The following SLC16A4 variants were observed in gnomAD, a reference collection of about 807,000 sequenced individuals.
The protein encoded by SLC16A4 is probable monocarboxylate transporter 5.
Under a neutral mutation model 47.9 loss-of-function variants are expected in SLC16A4, and 39 were observed. The observed-to-expected ratio is 0.81, with a 90% CI of 0.63 to 1.06. The LOEUF (loss-of-function observed/expected upper bound fraction) is 1.06, where lower values mean the gene tolerates loss of function less well. Among genes scored for constraint, SLC16A4 ranks in the 50% least tolerant of loss-of-function variants. SLC16A4 has a pLI of 0.00. For missense variants in SLC16A4, 524 were observed against 573.8 expected (o/e 0.91, Z 0.89); for synonymous variants, 189 against 199.9 (o/e 0.95, Z 0.46).
At chr1:110,389,724 TA>T (rs2101088243) in intron 1 of SLC16A4, among the ~76,000 whole-genome samples, 1 of 152,152 alleles carries the variant, frequency 6.6e-6, no homozygotes, top group Admixed American at 6.5e-5. Flanking sequence ...ACAGCCACCA[TA>T]AAAAAGAACA....
At chr1:110,382,687 T>A in intron 3 of SLC16A4, 147 bp downstream of exon 3, 1 of 760,928 alleles carries the variant, frequency 1.3e-6, no homozygotes, top group South Asian at 3.2e-5. Context: ...AGCTAAATAT[T>A]GCAATTCCTT....
At chr1:110,366,272 C>T (rs926432229) in intron 8 of SLC16A4, among the ~76,000 whole-genome samples, 9 of 152,094 alleles carry the variant, frequency 5.9e-5, no homozygotes, top group Non-Finnish European at 8.8e-5. Flanking sequence ...ATTCTCTTGC[C>T]TCAGCCTCAT....
At chr1:110,389,484 C>T in intron 1 of SLC16A4, 129 bp from the exon 2 acceptor site, 1 of 642,628 alleles carries the variant, frequency 1.6e-6, no homozygotes, top group East Asian at 2.9e-5. Context: ...CTGTGCAACG[C>T]AGTTTGGAGA....
At chr1:110,379,408 T>G in intron 5 of SLC16A4, 52 bp from the exon 6 acceptor site, 3 of 1,513,524 alleles carry the variant, frequency 2.0e-6, no homozygotes, top group Non-Finnish European at 1.8e-6. Context: ...TTCACAATAC[T>G]GCTTTGTGTT....
At chr1:110,377,482 G>A (rs1337691419) in intron 6 of SLC16A4, among the ~76,000 whole-genome samples, 1 of 152,174 alleles carries the variant, frequency 6.6e-6, no homozygotes, top group South Asian at 2.1e-4. Context: ...AGGCCATGCA[G>A]TCTCTTCGTC....
intron 4 of SLC16A4, among the ~76,000 whole-genome samples, chr1:110,381,347 G>A (rs902287063): frequency 7.9e-5 from 12 of 151,778 alleles, no homozygotes; most frequent in African/African-American, 2.9e-4. Flanking sequence ...TTTGAGACAG[G>A]GTCTCACTTT....
In SLC16A4 at chr1:110,383,476, AGCTGCCC is replaced by A. The variant is rs527733812; in HGVS notation, c.88-517_88-511del. On this transcript the variant is annotated intron_variant, in intron 2 of 8. Transcript: ENST00000369779. Reference sequence around the variant, plus strand: ...TGGGTCAGAGATGAAATTCTATCAAAGCTGCCCTTTTGCGCTGAGTCACTTCTGGGTG... The same window carrying A: ...TGGGTCAGAGATGAAATTCTATCAAATTTTGCGCTGAGTCACTTCTGGGTG... 3.8e-4 allele frequency among the ~76,000 whole-genome samples: 58 copies of A among 152,220 alleles called. 1 individual carries two copies. In the East Asian group the frequency reaches 9.5e-3, roughly 25 times the overall value.
At chr1:110,383,393 G>C (rs1242464894) in intron 2 of SLC16A4, among the ~76,000 whole-genome samples, 2 of 152,158 alleles carry the variant, frequency 1.3e-5, no homozygotes, top group African/African-American at 4.8e-5. Context: ...TTGGGGATCA[G>C]AGTTTTTAAG....
At chr1:110,377,868 C>T (rs1011277121) in intron 6 of SLC16A4, among the ~76,000 whole-genome samples, 1 of 152,120 alleles carries the variant, frequency 6.6e-6, no homozygotes, top group African/African-American at 2.4e-5. Flanking sequence ...CACGCTCCGT[C>T]ACCCAGGCTG....
intron 8 of SLC16A4, among the ~76,000 whole-genome samples, chr1:110,366,541 TC>T (rs1398259335): frequency 6.6e-6 from 1 of 152,198 alleles, no homozygotes; most frequent in Non-Finnish European, 1.5e-5. Context: ...TTTTACTGTA[TC>T]TATGTTTAGA....
At chr1:110,384,487 A>T (rs555591018) in intron 2 of SLC16A4, among the ~76,000 whole-genome samples, 1 of 152,340 alleles carries the variant, frequency 6.6e-6, no homozygotes, top group East Asian at 1.9e-4. Flanking sequence ...TCTGTGGAGT[A>T]TTAACTTTTA....
At chr1:110,376,239 A>G (rs1020861794) in intron 7 of SLC16A4, among the ~76,000 whole-genome samples, 2 of 152,176 alleles carry the variant, frequency 1.3e-5, no homozygotes, top group Non-Finnish European at 2.9e-5. Context: ...AAGTAATCAG[A>G]TATCACAAGG....
rs1176464711 is a variant in SLC16A4, at chr1:110,377,032, G to A, written c.1160C>T (p.Thr387Ile). 6 of 1,613,928 alleles carry A rather than the reference G, an allele frequency of 3.7e-6. No homozygotes were observed. The highest frequency in any genetic ancestry group is 5.1e-6 in the Non-Finnish European group (6 of 1,179,982). ...GITNLLAPLA[T>I]TFPLLMTYTI... ...GTAGGTCATAAGTAGTGGAAATGTG[G>A]TGGCTAAAGGAGCAAGCAGGTTAGT... The change falls in exon 7 of 9, where the codon ACC becomes ATC. Residue 387 changes from threonine (T) to isoleucine (I), a missense_variant. Thr to Ile is a moderately conservative substitution (Grantham distance 89). Coordinates refer to ENST00000369779, the MANE Select transcript of SLC16A4 (RefSeq NM_004696.3).
At chr1:110,366,345 A>T (rs1661397015) in intron 8 of SLC16A4, among the ~76,000 whole-genome samples, 1 of 151,946 alleles carries the variant, frequency 6.6e-6, no homozygotes, top group African/African-American at 2.4e-5. Context: ...TTTTTAGTAG[A>T]GATGGGGTTT....
chr1:110,382,914 A>C lies in SLC16A4; in HGVS notation c.140T>G (p.Val47Gly), dbSNP rs770105722. The C allele has an allele frequency of 9.9e-6, 16 of 1,612,786 alleles. No homozygotes were observed. Among genetic ancestry groups the C allele is most frequent in the Non-Finnish European group, 1.4e-5 (16 of 1,179,102 alleles). The stretch of plus-strand genomic sequence containing the variant: ...GGTGCCTTCAAACTCTTCTTGAAAG[A>C]CCACAAAGAAAATTGCAAAAGTCTT... ...MTKTFAIFFV[V>G]FQEEFEGTSE... Residue 47 changes from valine to glycine, a missense_variant, in exon 3 of 9, where the codon GTC becomes GGC. By Grantham distance (109) the Val-to-Gly change is moderately radical (BLOSUM62 -3). Coordinates refer to ENST00000369779, the MANE Select transcript of SLC16A4 (RefSeq NM_004696.3).
chr1:110,386,684 A>G (rs17025725), intron 2 of SLC16A4, among the ~76,000 whole-genome samples: 2,170 of 152,336 alleles, frequency 0.014, 51 homozygotes, highest in African/African-American at 0.05. Context: ...TACAGGCACC[A>G]GGCTTTGTCA....
intron 8 of SLC16A4, 108 bp downstream of exon 8, chr1:110,375,350 T>A (rs1051113869): frequency 1.6e-5 from 11 of 694,854 alleles, no homozygotes; most frequent in Non-Finnish European, 2.6e-5. Flanking sequence ...GCAGAAATAA[T>A]CTGTTTCTTT....
intron 2 of SLC16A4, among the ~76,000 whole-genome samples, chr1:110,386,854 A>C (rs1334882): frequency 0.58 from 88,643 of 152,008 alleles, 25,802 homozygotes; most frequent in Admixed American, 0.62. Flanking sequence ...AAGTTCACTA[A>C]CTTTGGCCCC....
rs761595349 is a variant in SLC16A4, at chr1:110,382,867, C to G, written c.187G>C (p.Gly63Arg). The change falls in exon 3 of 9, where the codon GGA (glycine) becomes CGA (arginine). Residue 63 changes from glycine (G) to arginine (R), a missense_variant. Physicochemically the swap from Gly to Arg is moderately radical, Grantham distance 125. Transcript: ENST00000369779. ...EGTSEQIGWI[G>R]SIMSSLRFCA... Reference sequence around the variant, plus strand: ...AAACGAAGAGATGACATGATGGATCCAATCCAACCAATTTGCTCTGAGGTG... The same window carrying G: ...AAACGAAGAGATGACATGATGGATCGAATCCAACCAATTTGCTCTGAGGTG... 6.2e-7 allele frequency: 1 copy of G among 1,610,872 alleles called. No individual in the cohort carries two copies. The highest frequency in any genetic ancestry group is 1.1e-5 in the South Asian group (1 of 90,776).
Sources: allele counts gnomAD v4.1 joint callset (sites outside exome capture counted in the v4.1 genomes callset), GRCh38; gene constraint gnomAD v4.1.1; transcripts MANE v1.5; gene names NCBI Gene and HGNC (gene_info 2026-07-23, HGNC 2026-07-21).